VPS37A: variants seen among roughly 807,000 people sequenced by gnomAD.
The protein encoded by VPS37A is vacuolar protein sorting-associated protein 37A.
A neutral mutation model predicts 49.8 loss-of-function variants in VPS37A; 30 were observed. That is an observed-to-expected ratio of 0.60 (90% CI 0.45 to 0.82). VPS37A has a LOEUF of 0.82. VPS37A is among the 40% of genes least tolerant of loss of function. The pLI, the probability that VPS37A is intolerant of heterozygous loss-of-function variation, is 0.00. For synonymous variants in VPS37A, 195 were observed against 160.6 expected, an observed-to-expected ratio of 1.21 and a Z score of -1.62; for missense variants, 593 against 464.4, an observed-to-expected ratio of 1.28 and a Z score of -2.55.
At chr8:17,277,664 C>T (rs756560927) in intron 6 of VPS37A, among the ~76,000 whole-genome samples, 7 of 151,858 alleles carry the variant, frequency 4.6e-5, no homozygotes, top group African/African-American at 7.3e-5. Flanking sequence ...CCCCAGTCAC[C>T]ATCATCATCA....
chr8:17,297,864 A>T lies in VPS37A; in HGVS notation c.*2878A>T, dbSNP rs549530823. 2 of 152,220 alleles carry T rather than the reference A, an allele frequency of 1.3e-5. No homozygotes were observed. The highest frequency in any genetic ancestry group is 3.9e-4 in the East Asian group (2 of 5,190). 9.4% of individuals were successfully genotyped at this position (152,220 alleles called of 1,614,324 possible). A position where few individuals can be genotyped will look rare whatever the true frequency, so the allele number is the denominator to read the frequency against. ...AGGTTAACTTCTAATAAGCAGACGA[A>T]CATGTTACATAAATTATAATGTCTG... On this transcript the variant is annotated 3_prime_UTR_variant, in exon 12 of 12. Transcript: ENST00000324849.
the VPS37A span, among the ~76,000 whole-genome samples, chr8:17,307,990 A>G: frequency 1.3e-5 from 2 of 152,186 alleles, no homozygotes; most frequent in Admixed American, 6.5e-5. Flanking sequence ...ATATATATGT[A>G]ACAAACCTGC....
At chr8:17,272,635 A>C (rs1053536953) in intron 4 of VPS37A, among the ~76,000 whole-genome samples, 1 of 152,190 alleles carries the variant, frequency 6.6e-6, no homozygotes, top group Admixed American at 6.5e-5. Flanking sequence ...AAATTCAAAG[A>C]TATTACAAAT....
intron 11 of VPS37A, among the ~76,000 whole-genome samples, chr8:17,293,925 G>T (rs1415361576): frequency 6.6e-6 from 1 of 152,230 alleles, no homozygotes; most frequent in East Asian, 1.9e-4. Context: ...AGGAGGCACG[G>T]TGGTCAGAGA....
At chr8:17,330,410 C>A in the VPS37A span, among the ~76,000 whole-genome samples, 1 of 152,210 alleles carries the variant, frequency 6.6e-6, no homozygotes, top group Non-Finnish European at 1.5e-5. Flanking sequence ...TTTCCCAGTT[C>A]GCAGAGCCGG....
intron 6 of VPS37A, among the ~76,000 whole-genome samples, chr8:17,278,646 A>G (rs1309412874): frequency 6.6e-6 from 1 of 152,126 alleles, no homozygotes; most frequent in Non-Finnish European, 1.5e-5. Context: ...CTTTTCCAAA[A>G]TAACAATACC....
chr8:17,255,822 A>G (rs1812397279), intron 1 of VPS37A, among the ~76,000 whole-genome samples: 1 of 152,190 alleles, frequency 6.6e-6, no homozygotes, highest in Non-Finnish European at 1.5e-5. Context: ...ATGTCACTTA[A>G]CGTAATGACT....
At chr8:17,301,855 C>T, downstream of VPS37A, 1 of 403,002 alleles carries the variant, frequency 2.5e-6, no homozygotes, top group Non-Finnish European at 4.4e-6. Context: ...TCACACTTTC[C>T]AGAAAAAAAT....
chr8:17,281,058 C>G (rs2188015), intron 9 of VPS37A, among the ~76,000 whole-genome samples: 1 of 151,570 alleles, frequency 6.6e-6, no homozygotes, highest in African/African-American at 2.4e-5. Flanking sequence ...ATAAAATAGA[C>G]ATAAACCAAC....
chr8:17,313,405 C>G, the VPS37A span: 2 of 1,585,788 alleles, frequency 1.3e-6, no homozygotes, highest in Non-Finnish European at 1.7e-6. Context: ...TCACACACTG[C>G]AAGATAAATC....
At chr8:17,282,562 C>T (rs1455207020) in intron 9 of VPS37A, among the ~76,000 whole-genome samples, 1 of 152,014 alleles carries the variant, frequency 6.6e-6, no homozygotes, top group Admixed American at 6.5e-5. Context: ...AAAAAGGGTA[C>T]AGATATTTTT....
chr8:17,299,752 A>G, downstream of VPS37A: 1 of 1,451,664 alleles, frequency 6.9e-7, no homozygotes. Context: ...GCATTAAAGT[A>G]GTTCTCAATG....
the VPS37A span, among the ~76,000 whole-genome samples, chr8:17,328,672 C>T: frequency 5.9e-5 from 9 of 151,952 alleles, no homozygotes; most frequent in Non-Finnish European, 1.2e-4. Flanking sequence ...TCATGGCACA[C>T]GTTCACTTAT....
chr8:17,272,828 A>AGG (rs1814123574), intron 4 of VPS37A, among the ~76,000 whole-genome samples: 1 of 141,258 alleles, frequency 7.1e-6, no homozygotes. Context: ...AAAAGTATAA[A>AGG]GGAGTATAGA....
the VPS37A span, among the ~76,000 whole-genome samples, chr8:17,322,058 T>C: frequency 6.6e-6 from 1 of 152,190 alleles, no homozygotes; most frequent in Non-Finnish European, 1.5e-5. Context: ...TTGGTCTTTC[T>C]TGTACCCTGA....
chr8:17,289,807 T>C (rs1339667091), intron 11 of VPS37A, among the ~76,000 whole-genome samples: 2 of 152,256 alleles, frequency 1.3e-5, no homozygotes, highest in Non-Finnish European at 2.9e-5. Context: ...ATGGCCGTTA[T>C]CACGATATTG....
At chr8:17,272,632 A>C (rs1360294371) in intron 4 of VPS37A, among the ~76,000 whole-genome samples, 1 of 152,204 alleles carries the variant, frequency 6.6e-6, no homozygotes, top group Non-Finnish European at 1.5e-5. Context: ...TTTAAATTCA[A>C]AGATATTACA....
chr8:17,247,286 C>A lies in VPS37A; in HGVS notation c.42C>A (p.Ser14=). ...LFPLTKSASS[S]AAGSPGGLTS... ...CCCTGACCAAGAGCGCCTCCTCCTC[C>A]GCGGCTGGGTCCCCCGGTGGCCTCA... Residue 14 remains serine, a synonymous_variant, in exon 1 of 12, where the codon TCC becomes TCA. Transcript: ENST00000324849. 6.4e-7 allele frequency: 1 copy of A among 1,566,608 alleles called. No individual in the cohort carries two copies. Among genetic ancestry groups the A allele is most frequent in the Admixed American group, 1.9e-5 (1 of 53,656 alleles).
chr8:17,313,523 G>T, the VPS37A span: 2 of 516,920 alleles, frequency 3.9e-6, no homozygotes, highest in Admixed American at 3.2e-5. Context: ...CTGGAAGCAA[G>T]CCTTAAGTCA....
Sources: allele counts gnomAD v4.1 joint callset (sites outside exome capture counted in the v4.1 genomes callset), GRCh38; gene constraint gnomAD v4.1.1; transcripts MANE v1.5; gene names NCBI Gene and HGNC (gene_info 2026-07-23, HGNC 2026-07-21).